The following AGBL4 variants were observed in gnomAD, a reference collection of about 807,000 sequenced individuals.
AGBL4 encodes the protein cytosolic carboxypeptidase 6.
In AGBL4, 58 loss-of-function variants were observed where a neutral mutation model predicts 66.4. That is an observed-to-expected ratio of 0.87 (90% CI 0.71 to 1.09). The LOEUF is 1.09. AGBL4 is among the 50% of genes least tolerant of loss of function. The probability of loss-of-function intolerance (pLI) is 0.00; values close to 1 mark genes in which losing one functional copy is unlikely to be tolerated. For synonymous variants in AGBL4, 234 were observed against 222.9 expected (o/e 1.05, Z -0.44); for missense variants, 579 against 631.0 (o/e 0.92, Z 0.88).
chr1:49,012,020 T>G, intron 5 of AGBL4, among the ~76,000 whole-genome samples: 1 of 150,774 alleles, frequency 6.6e-6, no homozygotes, highest in East Asian at 1.9e-4. Context: ...ACCCTAAAAC[T>G]TAAAATATAA....
At chr1:48,561,724 T>C (rs1006786735) in intron 11 of AGBL4, among the ~76,000 whole-genome samples, 6 of 152,038 alleles carry the variant, frequency 3.9e-5, no homozygotes, top group African/African-American at 1.4e-4. Context: ...ACATGGGTGT[T>C]TTTTGGCTTT....
At chr1:48,826,421 CAA>C (rs980854325) in intron 6 of AGBL4, among the ~76,000 whole-genome samples, 4 of 152,202 alleles carry the variant, frequency 2.6e-5, no homozygotes, top group African/African-American at 9.6e-5. Flanking sequence ...CACACATTAG[CAA>C]AACATGTATG....
chr1:49,241,585 G>C (rs1651240913), intron 4 of AGBL4, among the ~76,000 whole-genome samples: 1 of 151,964 alleles, frequency 6.6e-6, no homozygotes, highest in Non-Finnish European at 1.5e-5. Context: ...TAGCATAGTA[G>C]ACTATAAGCT....
At chr1:48,752,098 G>A (rs991061448) in intron 6 of AGBL4, among the ~76,000 whole-genome samples, 5 of 152,100 alleles carry the variant, frequency 3.3e-5, no homozygotes, top group Non-Finnish European at 5.9e-5. Flanking sequence ...ACTCTAAACC[G>A]GCAGGCAGAC....
intron 2 of AGBL4, among the ~76,000 whole-genome samples, chr1:49,780,916 G>A (rs1396936738): frequency 6.6e-6 from 1 of 152,000 alleles, no homozygotes; most frequent in Non-Finnish European, 1.5e-5. Context: ...TCAAAAGGCA[G>A]ACATTATAAC....
intron 1 of AGBL4, among the ~76,000 whole-genome samples, chr1:49,861,446 G>T (rs1646570302): frequency 6.6e-6 from 1 of 152,056 alleles, no homozygotes; most frequent in South Asian, 2.1e-4. Flanking sequence ...CTCAGCCACA[G>T]CATGATAGGG....
At chr1:48,895,092 T>C (rs1256971204) in intron 5 of AGBL4, among the ~76,000 whole-genome samples, 1 of 152,240 alleles carries the variant, frequency 6.6e-6, no homozygotes, top group Non-Finnish European at 1.5e-5. Context: ...TTAGGGCATG[T>C]TCCCTCTGTT....
intron 1 of AGBL4, among the ~76,000 whole-genome samples, chr1:49,873,491 T>C (rs536751192): frequency 6.6e-6 from 1 of 152,208 alleles, no homozygotes; most frequent in East Asian, 1.9e-4. Context: ...TGCAATAAAC[T>C]GCCTTACCTT....
intron 6 of AGBL4, among the ~76,000 whole-genome samples, chr1:48,738,369 C>T (rs1307571330): frequency 2.6e-5 from 4 of 152,312 alleles, no homozygotes; most frequent in Middle Eastern, 3.4e-3. Flanking sequence ...TCTGTTCATC[C>T]GCTCAGGAAA....
At chr1:49,664,555 G>C (rs1205165204) in intron 3 of AGBL4, among the ~76,000 whole-genome samples, 1 of 151,980 alleles carries the variant, frequency 6.6e-6, no homozygotes, top group Non-Finnish European at 1.5e-5. Context: ...ATTATTACTA[G>C]TAATAAAGCA....
intron 4 of AGBL4, among the ~76,000 whole-genome samples, chr1:49,191,340 T>C (rs951185843): frequency 1.3e-5 from 2 of 152,242 alleles, no homozygotes; most frequent in Non-Finnish European, 2.9e-5. Context: ...TAGTCCATAA[T>C]GCAGGAAAGC....
At chr1:49,241,750 T>C (rs1043097066) in intron 4 of AGBL4, among the ~76,000 whole-genome samples, 13 of 151,930 alleles carry the variant, frequency 8.6e-5, no homozygotes, top group Non-Finnish European at 1.5e-4. Flanking sequence ...ACTCAATCAG[T>C]CTTGGGTGAA....
intron 4 of AGBL4, among the ~76,000 whole-genome samples, chr1:49,228,022 A>T (rs997026637): frequency 6.6e-6 from 1 of 152,326 alleles, no homozygotes; most frequent in East Asian, 1.9e-4. Context: ...TATCCATAGC[A>T]TCTTCTCATG....
chr1:48,590,453 G>A (rs1460079874), intron 10 of AGBL4, among the ~76,000 whole-genome samples: 1 of 151,834 alleles, frequency 6.6e-6, no homozygotes, highest in Non-Finnish European at 1.5e-5. Flanking sequence ...CTACTCAGGA[G>A]GCTGAGGTGG....
chr1:49,002,645 AT>A (rs1661479711), intron 5 of AGBL4, among the ~76,000 whole-genome samples: 1 of 152,238 alleles, frequency 6.6e-6, no homozygotes, highest in Non-Finnish European at 1.5e-5. Flanking sequence ...AAGAACTCTT[AT>A]AATTTAATCT....
intron 3 of AGBL4, among the ~76,000 whole-genome samples, chr1:49,283,087 G>A (rs1027472804): frequency 6.6e-6 from 1 of 152,232 alleles, no homozygotes; most frequent in African/African-American, 2.4e-5. Context: ...CAAACAAAAA[G>A]ACAGCACTAA....
chr1:48,673,400 A>G (rs942542674), intron 6 of AGBL4, among the ~76,000 whole-genome samples: 12 of 152,186 alleles, frequency 7.9e-5, no homozygotes, highest in African/African-American at 2.4e-4. Flanking sequence ...GTCTTGCCCA[A>G]TGCTGGAGGA....
At chr1:49,860,033 C>T (rs191399601) in intron 1 of AGBL4, among the ~76,000 whole-genome samples, 1 of 152,262 alleles carries the variant, frequency 6.6e-6, no homozygotes, top group East Asian at 1.9e-4. Context: ...AAAATCTCTA[C>T]TCTTAAAACT....
intron 5 of AGBL4, among the ~76,000 whole-genome samples, chr1:49,012,078 C>T (rs945055279): frequency 6.6e-6 from 1 of 151,510 alleles, no homozygotes; most frequent in Non-Finnish European, 1.5e-5. Flanking sequence ...AACTCCCCCA[C>T]CCCCTCCAAG....
Sources: allele counts gnomAD v4.1 joint callset (sites outside exome capture counted in the v4.1 genomes callset), GRCh38; gene constraint gnomAD v4.1.1; transcripts MANE v1.5; gene names NCBI Gene and HGNC (gene_info 2026-07-23, HGNC 2026-07-21).